E2F5: variants seen among roughly 807,000 people sequenced by gnomAD.
E2F5 encodes transcription factor E2F5.
In E2F5, 23 loss-of-function variants were observed where a neutral mutation model predicts 39.1. That is an observed-to-expected ratio of 0.59 (90% confidence interval 0.42 to 0.83). The LOEUF is 0.83. Ranked by LOEUF, E2F5 falls within the 40% of genes least tolerant of loss-of-function variation. The pLI, the probability that E2F5 is intolerant of heterozygous loss-of-function variation, is 0.00. For missense variants in E2F5, 365 were observed against 406.7 expected (o/e 0.90, Z 0.88); for synonymous variants, 145 against 157.8 (o/e 0.92, Z 0.61).
At chr8:85,180,029 C>CT (rs532627984) in intron 1 of E2F5, among the ~76,000 whole-genome samples, 7,407 of 133,418 alleles carry the variant, frequency 0.056, 233 homozygotes, top group Non-Finnish European at 0.063. Context: ...TCGTTAAAGC[C>CT]TTTTTTTTTT....
rs115346994 is a variant in E2F5, at chr8:85,203,238, C to T, written c.489C>T (p.Asp163=). 1,051 of 1,595,104 alleles carry T rather than the reference C, an allele frequency of 6.6e-4. 6 individuals carry two copies. The African/African-American group carries it at 0.012, about 18-fold the overall frequency. Residue 163 remains aspartate, a synonymous_variant, in exon 3 of 8, where the codon GAC becomes GAT. Coordinates refer to ENST00000416274, the MANE Select transcript of E2F5 (RefSeq NM_001951.4). Reference sequence around the variant, plus strand: ...AGCAAAGCATCAAAAATGTGATGGACGATTCCATTAATAATAGATATCCTT... The same window carrying T: ...AGCAAAGCATCAAAAATGTGATGGATGATTCCATTAATAATAGATATCCTT... ...WLQQSIKNVM[D]DSINNRFSYV... is the part of the protein sequence containing the mutation.
intron 1 of E2F5, among the ~76,000 whole-genome samples, chr8:85,188,506 C>T (rs1812392388): frequency 6.6e-6 from 1 of 152,114 alleles, no homozygotes. Context: ...ACTTTGAGCA[C>T]TGAGGCAGGC....
At chr8:85,184,327 T>C (rs748555350) in intron 1 of E2F5, among the ~76,000 whole-genome samples, 2 of 152,190 alleles carry the variant, frequency 1.3e-5, no homozygotes, top group Admixed American at 6.5e-5. Flanking sequence ...CCCTTCGTGC[T>C]AAAAACTCTC....
In E2F5 at chr8:85,177,345, G is replaced by A. The variant is rs1031938108; in HGVS notation, c.-76G>A. The A allele has an allele frequency of 2.0e-6, 2 of 976,928 alleles. No individual in the cohort carries two copies. Among genetic ancestry groups the A allele is most frequent in the Non-Finnish European group, 2.4e-6 (2 of 822,446 alleles). 60.5% of individuals were successfully genotyped at this position (976,928 alleles called of 1,614,324 possible). A position where few individuals can be genotyped will look rare whatever the true frequency, so the allele number is the denominator to read the frequency against. On this transcript the variant is annotated 5_prime_UTR_variant, in exon 1 of 8. Transcript: ENST00000416274. ...GCGGGGAAGCGGCCGCAGCGGAGCCGACCCGGCAGGTGGCCGCGGGCGGGG... is the reference window on the plus strand; with the variant it reads ...GCGGGGAAGCGGCCGCAGCGGAGCCAACCCGGCAGGTGGCCGCGGGCGGGG...
chr8:85,184,899 G>T (rs1812295777), intron 1 of E2F5, among the ~76,000 whole-genome samples: 1 of 152,154 alleles, frequency 6.6e-6, no homozygotes, highest in Non-Finnish European at 1.5e-5. Context: ...TATGCTCATG[G>T]ATAGGAAGAA....
intron 1 of E2F5, among the ~76,000 whole-genome samples, chr8:85,189,523 C>G (rs1001544736): frequency 6.6e-6 from 1 of 152,048 alleles, no homozygotes; most frequent in Non-Finnish European, 1.5e-5. Flanking sequence ...GTGTGAACCA[C>G]CATGCCTGGG....
chr8:85,177,731 G>T (rs1182397472), intron 1 of E2F5, 77 bp downstream of exon 1: 3 of 1,169,326 alleles, frequency 2.6e-6, no homozygotes, highest in Non-Finnish European at 3.2e-6. Flanking sequence ...TCGCCGCGTG[G>T]GTCTAGCGGC....
chr8:85,178,578 CA>C (rs1047254964), intron 1 of E2F5, among the ~76,000 whole-genome samples: 1 of 152,108 alleles, frequency 6.6e-6, no homozygotes, highest in African/African-American at 2.4e-5. Context: ...AACAAACAAA[CA>C]AAAAACACTA....
chr8:85,197,971 G>T (rs4150920), intron 1 of E2F5, among the ~76,000 whole-genome samples: 2,354 of 152,158 alleles, frequency 0.015, 62 homozygotes, highest in African/African-American at 0.053. Context: ...CTATTGTCTT[G>T]CTTTTTTATA....
At chr8:85,186,899 GGTATATATATGGT>G (rs1219225862) in intron 1 of E2F5, among the ~76,000 whole-genome samples, 1 of 147,998 alleles carries the variant, frequency 6.8e-6, no homozygotes, top group Non-Finnish European at 1.5e-5. Flanking sequence ...ATATATGTAA[GGTATATATATGGT>G]GTGTATATAT....
chr8:85,209,838 T>C (rs1812879084), intron 6 of E2F5, among the ~76,000 whole-genome samples: 1 of 152,228 alleles, frequency 6.6e-6, no homozygotes, highest in Non-Finnish European at 1.5e-5. Flanking sequence ...TAAGAAAATA[T>C]GTTCCAACTA....
intron 6 of E2F5, among the ~76,000 whole-genome samples, chr8:85,211,806 TTTTTTTGTA>T (rs1470991218): frequency 2.0e-5 from 3 of 151,726 alleles, no homozygotes; most frequent in Non-Finnish European, 4.4e-5. Flanking sequence ...GTCTGGCTAA[TTTTTTTGTA>T]TTTTTTGTAA....
chr8:85,198,345 GA>G (rs571028760), intron 1 of E2F5, among the ~76,000 whole-genome samples: 21 of 143,128 alleles, frequency 1.5e-4, no homozygotes, highest in African/African-American at 2.5e-4. Context: ...TCTTTAAAAG[GA>G]AAAAAAAAAA....
chr8:85,194,784 C>T (rs1017076160), intron 1 of E2F5, among the ~76,000 whole-genome samples: 27 of 151,256 alleles, frequency 1.8e-4, no homozygotes, highest in Admixed American at 5.9e-4. Context: ...CCACCCTCCT[C>T]GGCCTCCCAA....
Position 85,214,192 on chromosome 8 carries a change from A to C in E2F5, c.*330A>C, listed in dbSNP as rs538023692. 1.1e-5 allele frequency: 6 copies of C among 537,400 alleles called. No individual in the cohort carries two copies. The African/African-American group carries it at 1.1e-4, about 10-fold the overall frequency. The allele number at this position is 537,400 out of a possible 1,614,324, so 33.3% of individuals were successfully genotyped here. ...GTTAAAGGACACTACAGGTCATCAA[A>C]AACAAGTTGGCCAAGGACTCATTAC... On this transcript the variant is annotated 3_prime_UTR_variant, in exon 8 of 8. Transcript: ENST00000416274.
chr8:85,184,529 G>A (rs1812286918), intron 1 of E2F5, among the ~76,000 whole-genome samples: 1 of 152,178 alleles, frequency 6.6e-6, no homozygotes. Flanking sequence ...AGTCAGGCAA[G>A]AGAAATAAAT....
At chr8:85,204,626 G>A (rs1812764103) in intron 3 of E2F5, among the ~76,000 whole-genome samples, 1 of 151,610 alleles carries the variant, frequency 6.6e-6, no homozygotes, top group Non-Finnish European at 1.5e-5. Flanking sequence ...ACGCCAACAT[G>A]GCACATGTAT....
intron 1 of E2F5, among the ~76,000 whole-genome samples, chr8:85,201,212 A>G (rs1456157515): frequency 6.6e-6 from 1 of 152,186 alleles, no homozygotes; most frequent in Non-Finnish European, 1.5e-5. Flanking sequence ...AGCTGTTAGC[A>G]ATTATGCGAA....
At position 85,186,454 on chromosome 8, in the gene E2F5, A is replaced by G. The variant is rs543072485; in HGVS notation, c.234+8800A>G. On this transcript the variant is annotated intron_variant, in intron 1 of 7. Transcript: ENST00000416274. Reference sequence around the variant, plus strand: ...AAACCACCATGGCACATGTATACCTATGTAACAAAACTGCACGTTCTGCAC... The same window carrying G: ...AAACCACCATGGCACATGTATACCTGTGTAACAAAACTGCACGTTCTGCAC... Among the ~76,000 whole-genome samples the G allele has an allele frequency of 6.6e-5, 10 of 151,778 alleles. No individual in the cohort carries two copies. In the South Asian group the frequency reaches 1.7e-3, roughly 25 times the overall value.
Sources: gnomAD v4.1 joint callset for allele counts (sites outside exome capture counted in the v4.1 genomes callset) on GRCh38, gnomAD v4.1.1 for gene constraint, MANE v1.5 for transcripts, NCBI Gene and HGNC (gene_info 2026-07-23, HGNC 2026-07-21) for gene names.